AGBL3: variants seen among roughly 807,000 people sequenced by gnomAD.
AGBL3 encodes the protein cytosolic carboxypeptidase 3.
AGBL3 carries 68 observed loss-of-function variants against 94.5 expected under a neutral mutation model. That is an observed-to-expected ratio of 0.72 (90% CI 0.59 to 0.88). The LOEUF (loss-of-function observed/expected upper bound fraction) is 0.88, where lower values mean the gene tolerates loss of function less well. AGBL3 is among the 40% of genes least tolerant of loss of function. The pLI is 0.00. For synonymous variants in AGBL3, 354 were observed against 370.7 expected, an observed-to-expected ratio of 0.95 and a Z score of 0.52; for missense variants, 934 against 1,103.8, an observed-to-expected ratio of 0.85 and a Z score of 2.18.
intron 4 of AGBL3, among the ~76,000 whole-genome samples, chr7:134,996,453 C>T (rs1036866370): frequency 4.6e-5 from 7 of 151,568 alleles, no homozygotes; most frequent in African/African-American, 1.7e-4. Flanking sequence ...TCTTACTGTT[C>T]TTATCTTGGC....
In AGBL3 at chr7:135,135,232, T is replaced by C. The variant is rs1231387211; in HGVS notation, c.2734T>C (p.Leu912=). The change falls in exon 17 of 17, where the codon TTA becomes CTA. Residue 912 remains leucine (L), a synonymous_variant. Transcript: ENST00000436302. ...CAATAAGAATGATGGACAACCCACCTTATATCTGAAGTTCCAAAGGGAGAG... is the reference window on the plus strand; with the variant it reads ...CAATAAGAATGATGGACAACCCACCCTATATCTGAAGTTCCAAAGGGAGAG... The part of the protein sequence containing the change: ...QANKNDGQPT[L]YLKFQRES 1 of 1,531,748 alleles carries C rather than the reference T, an allele frequency of 6.5e-7. No homozygotes were observed. Among genetic ancestry groups the C allele is most frequent in the Non-Finnish European group, 8.8e-7 (1 of 1,139,050 alleles). The allele number at this position is 1,531,748 out of a possible 1,614,324, so 94.9% of individuals were successfully genotyped here.
intron 15 of AGBL3, among the ~76,000 whole-genome samples, chr7:135,084,939 G>A (rs1821215107): frequency 6.6e-6 from 1 of 152,060 alleles, no homozygotes; most frequent in African/African-American, 2.4e-5. Context: ...CATAATGACT[G>A]CACAAATTTG....
intron 15 of AGBL3, among the ~76,000 whole-genome samples, chr7:135,089,375 T>C (rs911926196): frequency 1.3e-5 from 2 of 152,228 alleles, no homozygotes; most frequent in Admixed American, 1.3e-4. Context: ...TGGGAGTCTG[T>C]TATTAGAAAG....
intron 15 of AGBL3, among the ~76,000 whole-genome samples, chr7:135,100,232 T>C (rs1265832971): frequency 1.3e-5 from 2 of 151,556 alleles, no homozygotes; most frequent in African/African-American, 4.9e-5. Flanking sequence ...GATAATTATC[T>C]AGCACTTTAG....
At chr7:135,084,259 A>G (rs1214317845) in intron 15 of AGBL3, among the ~76,000 whole-genome samples, 1 of 152,150 alleles carries the variant, frequency 6.6e-6, no homozygotes, top group African/African-American at 2.4e-5. Context: ...GTACAGTGTG[A>G]TATTTTGATA....
intron 12 of AGBL3, among the ~76,000 whole-genome samples, chr7:135,070,096 C>T (rs565106282): frequency 2.0e-4 from 30 of 152,284 alleles, no homozygotes; most frequent in South Asian, 1.5e-3. Flanking sequence ...ACTATAAACA[C>T]CTCTATGCAA....
At chr7:135,120,698 CTCATT>C (rs1241006017) in intron 16 of AGBL3, among the ~76,000 whole-genome samples, 1 of 152,052 alleles carries the variant, frequency 6.6e-6, no homozygotes, top group Non-Finnish European at 1.5e-5. Flanking sequence ...TCACAAGAAA[CTCATT>C]TCAAATATGA....
intron 4 of AGBL3, among the ~76,000 whole-genome samples, chr7:134,994,919 C>T (rs1020810584): frequency 1.3e-5 from 2 of 152,022 alleles, no homozygotes; most frequent in African/African-American, 4.8e-5. Context: ...TATAGGACAT[C>T]TCTCTCTCTT....
At chr7:135,011,840 C>T (rs1813198468) in intron 4 of AGBL3, 1 of 152,120 alleles carries the variant, frequency 6.6e-6, no homozygotes, top group Non-Finnish European at 1.5e-5. Flanking sequence ...TTGGTATAAT[C>T]ATTTTGGATG....
At chr7:135,031,706 T>G (rs1048060117) in intron 5 of AGBL3, among the ~76,000 whole-genome samples, 3 of 152,340 alleles carry the variant, frequency 2.0e-5, no homozygotes, top group East Asian at 3.9e-4. Context: ...GTCATGACCT[T>G]TACTCTTGAA....
chr7:135,106,147 G>A (rs1297006686), intron 15 of AGBL3, among the ~76,000 whole-genome samples: 3 of 151,964 alleles, frequency 2.0e-5, no homozygotes, highest in Non-Finnish European at 4.4e-5. Context: ...CAAGACTGAG[G>A]TTTTCTAGAA....
At chr7:135,043,583 T>C (rs1386732623) in intron 8 of AGBL3, among the ~76,000 whole-genome samples, 3 of 152,148 alleles carry the variant, frequency 2.0e-5, no homozygotes, top group Non-Finnish European at 2.9e-5. Flanking sequence ...AGTAAAAGTA[T>C]AATTGGGTTA....
Position 135,135,206 on chromosome 7 carries a change from C to A in AGBL3, c.2708C>A (p.Ala903Asp). 1 of 1,545,012 alleles carries A rather than the reference C, an allele frequency of 6.5e-7. No homozygotes were observed. The highest frequency in any genetic ancestry group is 8.7e-7 in the Non-Finnish European group (1 of 1,144,706). The change falls in exon 17 of 17, where the codon GCC (alanine) becomes GAC (aspartate). Residue 903 changes from alanine (A) to aspartate (D), a missense_variant. Physicochemically the swap from Ala to Asp is moderately radical, Grantham distance 126. This residue lies in a region of AGBL3 where 441 missense variants were observed against 518.2 expected (regional missense o/e 0.85). Coordinates refer to ENST00000436302, the MANE Select transcript of AGBL3 (RefSeq NM_178563.4). ...LHLTKNKDEQ[A>D]NKNDGQPTLY... ...CTAACTAAAAATAAGGATGAGCAGG[C>A]CAATAAGAATGATGGACAACCCACC...
chr7:135,118,734 T>C (rs1284155240), intron 16 of AGBL3, among the ~76,000 whole-genome samples: 2 of 152,092 alleles, frequency 1.3e-5, no homozygotes, highest in African/African-American at 2.4e-5. Flanking sequence ...ATTTTTAAAG[T>C]AATCATAATT....
chr7:135,056,247 T>C (rs1033235640), intron 11 of AGBL3, among the ~76,000 whole-genome samples: 2 of 152,086 alleles, frequency 1.3e-5, no homozygotes, highest in Non-Finnish European at 2.9e-5. Context: ...GTTTTCAGTT[T>C]CTCTGATTTT....
chr7:135,114,602 C>T (rs181531638), intron 15 of AGBL3, among the ~76,000 whole-genome samples: 4 of 152,212 alleles, frequency 2.6e-5, no homozygotes, highest in Admixed American at 2.0e-4. Flanking sequence ...CATCTCACAT[C>T]CAATTCTTTA....
chr7:135,070,570 C>T lies in AGBL3; in HGVS notation c.1909-5827C>T, dbSNP rs1020826903. On this transcript the variant is annotated intron_variant, in intron 12 of 16. Coordinates refer to ENST00000436302, the MANE Select transcript of AGBL3 (RefSeq NM_178563.4). Reference sequence around the variant, plus strand: ...TCCCTGGGATGCAAGGCTGGTTCAACATATGCAAATCAATAAACGTAATCC... The same window carrying T: ...TCCCTGGGATGCAAGGCTGGTTCAATATATGCAAATCAATAAACGTAATCC... Among the ~76,000 whole-genome samples, 3 of 152,170 alleles carry T rather than the reference C, an allele frequency of 2.0e-5. No homozygotes were observed. In the East Asian group the frequency reaches 5.8e-4, roughly 29 times the overall value.
chr7:135,095,932 A>G (rs1036820599), intron 15 of AGBL3, among the ~76,000 whole-genome samples: 6 of 152,166 alleles, frequency 3.9e-5, no homozygotes, highest in Non-Finnish European at 7.3e-5. Flanking sequence ...CAGGCAGATC[A>G]CCTGAGGTCA....
chr7:135,022,460 C>T (rs780645728), intron 5 of AGBL3, among the ~76,000 whole-genome samples: 15 of 150,810 alleles, frequency 9.9e-5, no homozygotes, highest in Non-Finnish European at 1.6e-4. Flanking sequence ...CCACATACGT[C>T]TTCTTTTGAG....
Sources: allele counts gnomAD v4.1 joint callset (sites outside exome capture counted in the v4.1 genomes callset), GRCh38; gene constraint gnomAD v4.1.1; regional missense constraint gnomAD v4.1.1; transcripts MANE v1.5; gene names NCBI Gene and HGNC (gene_info 2026-07-23, HGNC 2026-07-21).